ERBB4: variants seen among roughly 807,000 people sequenced by gnomAD.
ERBB4 encodes erb-b2 receptor tyrosine kinase 4, also known as receptor tyrosine-protein kinase erbB-4.
Under a neutral mutation model 158.0 loss-of-function variants are expected in ERBB4, and 42 were observed. The observed-to-expected ratio is 0.27, with a 90% CI of 0.21 to 0.34. The LOEUF (loss-of-function observed/expected upper bound fraction) is 0.34. ERBB4 is among the 10% of genes least tolerant of loss of function. The pLI, the probability that ERBB4 is intolerant of heterozygous loss-of-function variation, is 1.00. For missense variants in ERBB4, 1,333 were observed against 1,624.1 expected (o/e 0.82, Z 3.08); for synonymous variants, 583 against 558.7 (o/e 1.04, Z -0.61).
intron 4 of ERBB4, among the ~76,000 whole-genome samples, chr2:211,776,200 T>C (rs2075870639): frequency 6.6e-6 from 1 of 152,158 alleles, no homozygotes; most frequent in South Asian, 2.1e-4. Flanking sequence ...AGCTGGAGTT[T>C]TTTACAACTT....
At chr2:212,333,670 G>T (rs2088290997) in intron 1 of ERBB4, among the ~76,000 whole-genome samples, 1 of 147,058 alleles carries the variant, frequency 6.8e-6, no homozygotes, top group South Asian at 2.2e-4. Context: ...CTCCAGCCTG[G>T]GTGATGGAGT....
intron 1 of ERBB4, chr2:212,125,133 G>A: frequency 1.9e-6 from 1 of 523,700 alleles, no homozygotes; most frequent in Non-Finnish European, 3.4e-6. Flanking sequence ...AGATTCCACA[G>A]AAATATATAG....
At chr2:211,534,464 C>T (rs2066590243) in intron 20 of ERBB4, among the ~76,000 whole-genome samples, 2 of 152,010 alleles carry the variant, frequency 1.3e-5, no homozygotes, top group African/African-American at 4.8e-5. Flanking sequence ...ATTACATAAA[C>T]CCTACATCCT....
intron 3 of ERBB4, among the ~76,000 whole-genome samples, chr2:211,928,969 C>G (rs932006984): frequency 6.6e-6 from 1 of 152,106 alleles, no homozygotes; most frequent in African/African-American, 2.4e-5. Flanking sequence ...ATTTTAATTA[C>G]TCCCATTTAG....
At chr2:211,440,412 G>T (rs995525272) in intron 20 of ERBB4, among the ~76,000 whole-genome samples, 5 of 152,114 alleles carry the variant, frequency 3.3e-5, no homozygotes, top group Admixed American at 3.3e-4. Flanking sequence ...TATTAATACA[G>T]CAACCTCTAG....
intron 20 of ERBB4, among the ~76,000 whole-genome samples, chr2:211,533,209 T>C (rs1187592393): frequency 6.6e-6 from 1 of 151,934 alleles, no homozygotes; most frequent in Non-Finnish European, 1.5e-5. Context: ...TCCTTAGGTG[T>C]ATACCATAAT....
intron 17 of ERBB4, 69 bp from the exon 18 acceptor site, chr2:211,624,113 C>G: frequency 6.3e-7 from 1 of 1,591,780 alleles, no homozygotes; most frequent in East Asian, 2.2e-5. Context: ...GTCTCTCTCT[C>G]TCTCTCTCTC....
chr2:212,291,232 CTA>C (rs1365839650), intron 1 of ERBB4, among the ~76,000 whole-genome samples: 2 of 152,030 alleles, frequency 1.3e-5, no homozygotes, highest in Non-Finnish European at 2.9e-5. Flanking sequence ...ACAACACTTC[CTA>C]TAGACTCATG....
chr2:211,727,695 CATG>C (rs1246802146), intron 5 of ERBB4, among the ~76,000 whole-genome samples: 7 of 151,878 alleles, frequency 4.6e-5, no homozygotes, highest in African/African-American at 7.2e-5. Flanking sequence ...TTCCATTGAA[CATG>C]ATGATGATAT....
intron 3 of ERBB4, among the ~76,000 whole-genome samples, chr2:211,882,707 G>A (rs1477117065): frequency 1.3e-5 from 2 of 152,196 alleles, no homozygotes; most frequent in Non-Finnish European, 2.9e-5. Context: ...ATAAGGTTGA[G>A]AATCTGAAGT....
chr2:211,550,707 AATATATAT>A (rs139062710), intron 20 of ERBB4, among the ~76,000 whole-genome samples: 36 of 137,138 alleles, frequency 2.6e-4, no homozygotes, highest in African/African-American at 8.2e-4. Flanking sequence ...TATATATAGG[AATATATAT>A]ATATATATAT....
intron 1 of ERBB4, among the ~76,000 whole-genome samples, chr2:212,247,767 C>G (rs1020775502): frequency 6.6e-6 from 1 of 152,122 alleles, no homozygotes; most frequent in Non-Finnish European, 1.5e-5. Context: ...AGTTTGAGAC[C>G]TGCCTGGGCA....
chr2:212,294,599 GCTT>G (rs2086341581), intron 1 of ERBB4, among the ~76,000 whole-genome samples: 1 of 151,892 alleles, frequency 6.6e-6, no homozygotes. Flanking sequence ...GTCAGAAACA[GCTT>G]CTTTTATAAA....
At chr2:212,181,967 C>G (rs1469723380) in intron 1 of ERBB4, among the ~76,000 whole-genome samples, 3 of 151,688 alleles carry the variant, frequency 2.0e-5, no homozygotes, top group Non-Finnish European at 4.4e-5. Flanking sequence ...AAAAATGCTG[C>G]AAGTGTAAGA....
chr2:212,069,402 A>G (rs1206408751), intron 2 of ERBB4, among the ~76,000 whole-genome samples: 3 of 152,098 alleles, frequency 2.0e-5, no homozygotes, highest in Non-Finnish European at 2.9e-5. Context: ...AACTAGGATT[A>G]GAGTGAAACT....
chr2:212,046,261 C>A (rs138884035), intron 2 of ERBB4, among the ~76,000 whole-genome samples: 1 of 152,232 alleles, frequency 6.6e-6, no homozygotes, highest in East Asian at 1.9e-4. Flanking sequence ...CTACGAGACA[C>A]CTAAGAGAAT....
chr2:211,812,171 CCTTTGGT>C (rs1462113492), intron 3 of ERBB4, among the ~76,000 whole-genome samples: 1 of 152,132 alleles, frequency 6.6e-6, no homozygotes, highest in Non-Finnish European at 1.5e-5. Context: ...GTTTTATCTA[CCTTTGGT>C]CTTTGATGAT....
intron 4 of ERBB4, among the ~76,000 whole-genome samples, chr2:211,761,483 G>A (rs1209313060): frequency 7.2e-5 from 11 of 151,892 alleles, no homozygotes; most frequent in African/African-American, 1.2e-4. Flanking sequence ...TGGAAAAAGC[G>A]TCCTTTAAGT....
chr2:211,424,129 G>GTGA (rs1329108059), intron 23 of ERBB4, 26 bp downstream of exon 23: 6 of 1,602,358 alleles, frequency 3.7e-6, no homozygotes, highest in Admixed American at 1.7e-5. Flanking sequence ...AATGATGATG[G>GTGA]TGATAACATT....
Sources: gnomAD v4.1 joint callset for allele counts (sites outside exome capture counted in the v4.1 genomes callset) on GRCh38, gnomAD v4.1.1 for gene constraint, MANE v1.5 for transcripts, NCBI Gene and HGNC (gene_info 2026-07-23, HGNC 2026-07-21) for gene names.